The following IGLON5 variants were observed in gnomAD, a reference collection of about 807,000 sequenced individuals.
IGLON5 encodes the protein IgLON family member 5.
A neutral mutation model predicts 38.2 loss-of-function variants in IGLON5; 16 were observed. The ratio of observed to expected loss-of-function variants is 0.42; its 90% CI spans 0.28 to 0.64. IGLON5 has a LOEUF of 0.64. Among genes scored for constraint, IGLON5 ranks in the 30% least tolerant of loss-of-function variants. The probability of loss-of-function intolerance (pLI) is 0.23; values close to 1 mark genes in which losing one functional copy is unlikely to be tolerated. For missense variants in IGLON5, 366 were observed against 483.4 expected, an observed-to-expected ratio of 0.76 and a Z score of 2.28; for synonymous variants, 207 against 216.4, an observed-to-expected ratio of 0.96 and a Z score of 0.38.
At chr19:51,326,616 A>G in intron 4 of IGLON5, 148 bp from the exon 5 acceptor site, 1 of 52,710 alleles carries the variant, frequency 1.9e-5, no homozygotes, top group South Asian at 5.3e-4. Flanking sequence ...CCGGCCCTGC[A>G]GCCCCTCCCC....
At position 51,327,592 on chromosome 19, in the gene IGLON5, TG is replaced by T; in HGVS notation, c.768-139del. On this transcript the variant is annotated intron_variant, in intron 6 of 7. Coordinates refer to ENST00000270642, the MANE Select transcript of IGLON5 (RefSeq NM_001101372.3). This position sits in a 1 kb window ranked among gnomAD's most constrained non-coding sequence, Gnocchi z 7.1. ...GGCGGTGGGAGTGACCCGAGGTACA[TG>T]AGGTGCTAGAACCCGAGGCGATGGG... is the stretch of plus-strand genomic sequence containing the variant. 8.1e-7 allele frequency: 1 copy of T among 1,231,482 alleles called. No individual in the cohort carries two copies. The highest frequency in any genetic ancestry group is 1.1e-6 in the Non-Finnish European group (1 of 901,696). The allele number at this position is 1,231,482 out of a possible 1,614,324, so 76.3% of individuals were successfully genotyped here. A position where few individuals can be genotyped will look rare whatever the true frequency, so the allele number is the denominator to read the frequency against.
At position 51,328,987 on chromosome 19, in the gene IGLON5, C is replaced by T. The variant is rs545199391; in HGVS notation, c.*228C>T. 3.2e-4 allele frequency: 147 copies of T among 466,092 alleles called. No individual in the cohort carries two copies. In the Middle Eastern group the frequency reaches 6.2e-3, roughly 20 times the overall value. The allele number at this position is 466,092 out of a possible 1,614,324, so 28.9% of individuals were successfully genotyped here. On this transcript the variant is annotated 3_prime_UTR_variant, in exon 8 of 8. Transcript: ENST00000270642. ...TCTTTCTACAGCCATTCTCGCCACC[C>T]GTTCACGTTTCCGATTGTGACCCAC...
In IGLON5 at chr19:51,330,880, T is replaced by A. The variant is rs1985340368; in HGVS notation, c.*2121T>A. ...TATATAAGCAATAAAGTCCCCTGTA[T>A]ATTTAAACCAATTTGCATTGGATTT... On this transcript the variant is annotated 3_prime_UTR_variant, in exon 8 of 8. Coordinates refer to ENST00000270642, the MANE Select transcript of IGLON5 (RefSeq NM_001101372.3). 6.6e-6 allele frequency among the ~76,000 whole-genome samples: 1 copy of A among 152,224 alleles called. No individual in the cohort carries two copies. The highest frequency in any genetic ancestry group is 2.1e-4 in the South Asian group (1 of 4,834).
chr19:51,313,993 G>A (rs1049789171), intron 1 of IGLON5, among the ~76,000 whole-genome samples: 4 of 151,908 alleles, frequency 2.6e-5, no homozygotes, highest in African/African-American at 7.3e-5. Context: ...CTCTCAAAGT[G>A]CTGAGATTAC....
In IGLON5 at chr19:51,328,833, GC is replaced by G; in HGVS notation, c.*76del. The stretch of plus-strand genomic sequence containing the variant: ...GAGTGAGAGAAACGGGGGAGCAAGA[GC>G]CGTGGGTCTCGTGGGGGCAGAAGAG... On this transcript the variant is annotated 3_prime_UTR_variant, in exon 8 of 8. Transcript: ENST00000270642. 9.0e-7 allele frequency: 1 copy of G among 1,113,262 alleles called. No homozygotes were observed. The allele number at this position is 1,113,262 out of a possible 1,614,324, so 69.0% of individuals were successfully genotyped here.
rs1395397880 is a variant in IGLON5 at position 51,325,887 on chromosome 19, TG to T, written c.511+425del. Among the ~76,000 whole-genome samples the T allele has an allele frequency of 1.3e-5, 2 of 152,084 alleles. No individual in the cohort carries two copies. Among genetic ancestry groups the T allele is most frequent in the Non-Finnish European group, 2.9e-5 (2 of 68,016 alleles). ...CTCTAGCCCAGCGGGCCTCATGGTG[TG>T]GGCCCCAGACCCGAAGCATCAGCAT... On this transcript the variant is annotated intron_variant, in intron 4 of 7. Coordinates refer to ENST00000270642, the MANE Select transcript of IGLON5 (RefSeq NM_001101372.3). The surrounding 1 kb of genome is among the most constrained non-coding windows in gnomAD (Gnocchi z 5.5).
chr19:51,324,141 TTCA>T lies in IGLON5; in HGVS notation c.391+249_391+251del, dbSNP rs1455512691. Among the ~76,000 whole-genome samples, 1 of 151,974 alleles carries T rather than the reference TTCA, an allele frequency of 6.6e-6. No homozygotes were observed. Among genetic ancestry groups the T allele is most frequent in the Admixed American group, 6.5e-5 (1 of 15,268 alleles). ...AGGGGGTGCTTGGGGGAAGACCACG[TTCA>T]TTTGTTCAGCCCCATTCCTGGAGGG... On this transcript the variant is annotated intron_variant, in intron 3 of 7. Transcript: ENST00000270642. The surrounding 1 kb of genome is among the most constrained non-coding windows in gnomAD (Gnocchi z 4.2).
chr19:51,311,975 G>A (rs1984776357), intron 1 of IGLON5, 49 bp downstream of exon 1: 1 of 1,099,858 alleles, frequency 9.1e-7, no homozygotes, highest in South Asian at 2.7e-5. Flanking sequence ...CCAGGGTCTT[G>A]GGTGGGTAAT....
In IGLON5 at chr19:51,327,162, T is replaced by C. The variant is rs1325673530; in HGVS notation, c.729T>C (p.Val243=). ...AALLRCEAMA[V]PPADFQWYKD... ...TCCTGCGCTGCGAAGCCATGGCGGT[T>C]CCCCCCGCGGATTTCCAGTGGTACA... The change falls in exon 6 of 8, where the codon GTT becomes GTC. Residue 243 remains valine, a synonymous_variant. Transcript: ENST00000270642. This position sits in a 1 kb window ranked among gnomAD's most constrained non-coding sequence, Gnocchi z 7.1. 1.2e-6 allele frequency: 2 copies of C among 1,612,272 alleles called. No homozygotes were observed. Among genetic ancestry groups the C allele is most frequent in the East Asian group, 2.2e-5 (1 of 44,846 alleles).
At chr19:51,322,313 AG>A (rs1787962843) in intron 2 of IGLON5, among the ~76,000 whole-genome samples, 171 bp downstream of exon 2, 2 of 152,178 alleles carry the variant, frequency 1.3e-5, no homozygotes, top group South Asian at 4.2e-4. Context: ...CCTCGGCTTC[AG>A]TGTCCCCATC....
chr19:51,320,228 C>G (rs1985019720), intron 1 of IGLON5, among the ~76,000 whole-genome samples: 1 of 152,158 alleles, frequency 6.6e-6, no homozygotes, highest in Non-Finnish European at 1.5e-5. Flanking sequence ...GCTGCAGGGC[C>G]CAGCCCCAAG....
chr19:51,325,301 C>T lies in IGLON5; in HGVS notation c.392-45C>T. 1 of 1,597,306 alleles carries T rather than the reference C, an allele frequency of 6.3e-7. No homozygotes were observed. On this transcript the variant is annotated intron_variant, in intron 3 of 7. Transcript: ENST00000270642. The surrounding 1 kb of genome is among the most constrained non-coding windows in gnomAD (Gnocchi z 5.5). ...GTCTGAAGGAGGAAGGGCTGGGGGCCTGGATTCCTGGGCATCCATATTCAG... is the reference window on the plus strand; with the variant it reads ...GTCTGAAGGAGGAAGGGCTGGGGGCTTGGATTCCTGGGCATCCATATTCAG...
Position 51,327,607 on chromosome 19 carries a change from C to G in IGLON5, c.768-125C>G, listed in dbSNP as rs1225272387. The G allele has an allele frequency of 7.3e-6, 10 of 1,378,524 alleles. No individual in the cohort carries two copies. The South Asian group carries it at 1.2e-4, about 17-fold the overall frequency. 85.4% of individuals were successfully genotyped at this position (1,378,524 alleles called of 1,614,324 possible). A position where few individuals can be genotyped will look rare whatever the true frequency, so the allele number is the denominator to read the frequency against. ...CCGAGGTACATGAGGTGCTAGAACC[C>G]GAGGCGATGGGTCACTGGGGTAGGG... On this transcript the variant is annotated intron_variant, in intron 6 of 7. Coordinates refer to ENST00000270642, the MANE Select transcript of IGLON5 (RefSeq NM_001101372.3). This position sits in a 1 kb window ranked among gnomAD's most constrained non-coding sequence, Gnocchi z 7.1.
At chr19:51,320,466 C>T (rs1251637464) in intron 1 of IGLON5, among the ~76,000 whole-genome samples, 1 of 152,234 alleles carries the variant, frequency 6.6e-6, no homozygotes, top group Non-Finnish European at 1.5e-5. Flanking sequence ...CTGGTGCCAG[C>T]TCCACCGCCT....
Position 51,327,718 on chromosome 19 carries a change from C to G in IGLON5, c.768-14C>G. 6.4e-7 allele frequency: 1 copy of G among 1,561,406 alleles called. No homozygotes were observed. The highest frequency in any genetic ancestry group is 8.6e-7 in the Non-Finnish European group (1 of 1,158,246). On this transcript the variant is annotated splice_polypyrimidine_tract_variant and intron_variant, in intron 6 of 7. Coordinates refer to ENST00000270642, the MANE Select transcript of IGLON5 (RefSeq NM_001101372.3). This position sits in a 1 kb window ranked among gnomAD's most constrained non-coding sequence, Gnocchi z 7.1. ...GGGCGCTGCGGCCCGGCCCCTGACCCGGATCCCTGGCAGGCTGAGCAGCGG... is the reference window on the plus strand; with the variant it reads ...GGGCGCTGCGGCCCGGCCCCTGACCGGGATCCCTGGCAGGCTGAGCAGCGG...
chr19:51,326,977 A>T (rs1052079348), intron 5 of IGLON5, 79 bp downstream of exon 5: 75 of 1,574,738 alleles, frequency 4.8e-5, no homozygotes, highest in Non-Finnish European at 6.3e-5. Context: ...GGGAAGAGGA[A>T]GCGGGGGCGA....
intron 1 of IGLON5, among the ~76,000 whole-genome samples, chr19:51,315,395 T>C (rs148266699): frequency 7.9e-5 from 12 of 152,294 alleles, no homozygotes; most frequent in Admixed American, 1.3e-4. Context: ...TTGGTTCATA[T>C]AGCAAATGTT....
Position 51,325,901 on chromosome 19 carries a change from G to A in IGLON5, c.511+436G>A, listed in dbSNP as rs898553394. On this transcript the variant is annotated intron_variant, in intron 4 of 7. Coordinates refer to ENST00000270642, the MANE Select transcript of IGLON5 (RefSeq NM_001101372.3). The surrounding 1 kb of genome is among the most constrained non-coding windows in gnomAD (Gnocchi z 5.5). ...GCCTCATGGTGTGGGCCCCAGACCCGAAGCATCAGCATACCTTGGGAACTT... is the reference window on the plus strand; with the variant it reads ...GCCTCATGGTGTGGGCCCCAGACCCAAAGCATCAGCATACCTTGGGAACTT... 1.3e-5 allele frequency among the ~76,000 whole-genome samples: 2 copies of A among 152,066 alleles called. No individual in the cohort carries two copies. The highest frequency in any genetic ancestry group is 2.4e-5 in the African/African-American group (1 of 41,366).
At chr19:51,316,351 A>C (rs983552727) in intron 1 of IGLON5, among the ~76,000 whole-genome samples, 9 of 150,648 alleles carry the variant, frequency 6.0e-5, no homozygotes, top group Non-Finnish European at 1.3e-4. Context: ...TCTCAAAAAA[A>C]AAAAAAAAGA....
Sources: allele counts gnomAD v4.1 joint callset (sites outside exome capture counted in the v4.1 genomes callset), GRCh38; gene constraint gnomAD v4.1.1; non-coding constraint Gnocchi (gnomAD v3.1); transcripts MANE v1.5; gene names NCBI Gene and HGNC (gene_info 2026-07-23, HGNC 2026-07-21).